Variants in DYNC2H1 observed in about 807,000 individuals in gnomAD.
DYNC2H1 encodes cytoplasmic dynein 2 heavy chain 1.
A neutral mutation model predicts 570.0 loss-of-function variants in DYNC2H1; 410 were observed. That is an observed-to-expected ratio of 0.72 (90% CI 0.66 to 0.78). The LOEUF (loss-of-function observed/expected upper bound fraction) is 0.78. DYNC2H1 is among the 30% of genes least tolerant of loss of function. The pLI is 0.00. For synonymous variants in DYNC2H1, 1,688 were observed against 1,677.6 expected (o/e 1.01, Z -0.15); for missense variants, 4,865 against 5,046.4 (o/e 0.96, Z 1.09).
At chr11:103,237,376 T>C (rs626948) in intron 63 of DYNC2H1, among the ~76,000 whole-genome samples, 143,499 of 151,970 alleles carry the variant, frequency 0.94, 67,828 homozygotes, top group African/African-American at 0.98. Context: ...TTATAAGATT[T>C]ATATTTTAGG....
At chr11:103,293,003 T>C (rs2135373298) in intron 75 of DYNC2H1, among the ~76,000 whole-genome samples, 1 of 152,388 alleles carries the variant, frequency 6.6e-6, no homozygotes, top group Non-Finnish European at 1.5e-5. Flanking sequence ...TATGTATTTG[T>C]CTGTATACTT....
intron 82 of DYNC2H1, among the ~76,000 whole-genome samples, chr11:103,338,631 TC>T (rs1319318177): frequency 1.6e-4 from 25 of 152,346 alleles, no homozygotes; most frequent in African/African-American, 5.8e-4. Flanking sequence ...TTTCAGTTTG[TC>T]AATTGAATTT....
intron 83 of DYNC2H1, among the ~76,000 whole-genome samples, chr11:103,379,546 T>TAG (rs1941551014): frequency 6.6e-6 from 1 of 152,214 alleles, no homozygotes; most frequent in African/African-American, 2.4e-5. Flanking sequence ...CTTTATGGAC[T>TAG]AAGGCAGAAA....
At chr11:103,112,122 T>C (rs1392477557) in intron 1 of DYNC2H1, among the ~76,000 whole-genome samples, 1 of 152,124 alleles carries the variant, frequency 6.6e-6, no homozygotes, top group African/African-American at 2.4e-5. Flanking sequence ...GAGATTTGAA[T>C]GATGAGTTGC....
At position 103,407,544 on chromosome 11, in the gene DYNC2H1, C is replaced by T. The variant is rs563030588; in HGVS notation, c.12366+7672C>T. On this transcript the variant is annotated intron_variant, in intron 84 of 88. Transcript: ENST00000375735. ...TTTTTCATAGAAGATATGAATTGTT[C>T]GTAGCAGAAATGGGGGTATGCTGTT... The T allele has an allele frequency of 6.6e-5, 10 of 151,914 alleles. No homozygotes were observed. The East Asian group carries it at 1.7e-3, about 26-fold the overall frequency. 9.4% of individuals were successfully genotyped at this position (151,914 alleles called of 1,614,324 possible). A position where few individuals can be genotyped will look rare whatever the true frequency, so the allele number is the denominator to read the frequency against.
intron 73 of DYNC2H1, 66 bp downstream of exon 73, chr11:103,283,151 T>A (rs1316453858): frequency 3.9e-6 from 5 of 1,281,184 alleles, no homozygotes; most frequent in Admixed American, 4.1e-5. Flanking sequence ...CTGTTGATAC[T>A]TTGTGCTCCT....
At position 103,377,897 on chromosome 11, in the gene DYNC2H1, C is replaced by T. The variant is rs896008371; in HGVS notation, c.12156+19538C>T. On this transcript the variant is annotated intron_variant, in intron 83 of 88. Coordinates refer to ENST00000375735, the MANE Select transcript of DYNC2H1 (RefSeq NM_001377.3). ...GATTACAGGCATGTGCCATCACACC[C>T]GGCTAATTTTTGTATTTTTAGTAGA... 5.3e-4 allele frequency among the ~76,000 whole-genome samples: 80 copies of T among 151,594 alleles called. 1 individual carries two copies. The highest frequency in any genetic ancestry group is 1.8e-3 in the African/African-American group (74 of 41,296).
chr11:103,283,843 A>T (rs929740327), intron 73 of DYNC2H1, among the ~76,000 whole-genome samples: 1 of 152,084 alleles, frequency 6.6e-6, no homozygotes, highest in African/African-American at 2.4e-5. Context: ...AAAGAAATGA[A>T]AAAAAGGGGG....
In DYNC2H1 at chr11:103,200,049, C is replaced by T; in HGVS notation, c.8092C>T (p.Leu2698=). Residue 2698 remains leucine (L), a synonymous_variant, in exon 50 of 89, where the codon CTG becomes TTG. Coordinates refer to ENST00000375735, the MANE Select transcript of DYNC2H1 (RefSeq NM_001377.3). ...AAAATATTTTCTGATTTTGCAGGTG[C>T]TGCAACTTGCAGGAATTGAAGCACA... The part of the protein sequence containing the change: ...KQFKNDLKHV[L]QLAGIEAQQV... The T allele has an allele frequency of 6.3e-7, 1 of 1,577,272 alleles. No individual in the cohort carries two copies. The highest frequency in any genetic ancestry group is 8.6e-7 in the Non-Finnish European group (1 of 1,159,116).
chr11:103,142,001 A>G (rs1032964337), intron 17 of DYNC2H1, among the ~76,000 whole-genome samples: 103 of 152,204 alleles, frequency 6.8e-4, no homozygotes, highest in African/African-American at 2.4e-3. Flanking sequence ...TGGGCATAGG[A>G]CCCTCCCAGC....
Position 103,395,039 on chromosome 11 carries a change from A to T in DYNC2H1, c.12157-4624A>T, listed in dbSNP as rs1428462474. 6.6e-6 allele frequency among the ~76,000 whole-genome samples: 1 copy of T among 152,080 alleles called. No individual in the cohort carries two copies. The highest frequency in any genetic ancestry group is 2.4e-5 in the African/African-American group (1 of 41,430). On this transcript the variant is annotated intron_variant, in intron 83 of 88. Coordinates refer to ENST00000375735, the MANE Select transcript of DYNC2H1 (RefSeq NM_001377.3). The surrounding 1 kb of genome is among the most constrained non-coding windows in gnomAD (Gnocchi z 4.3). ...GAAATCCACTTGTGGATTTAATTTA[A>T]TGCAGATATGTACATAATATACAGA...
At chr11:103,312,180 A>G in intron 79 of DYNC2H1, 147 bp downstream of exon 79, 10 of 739,880 alleles carry the variant, frequency 1.4e-5, no homozygotes, top group Non-Finnish European at 2.1e-5. Context: ...CCGGAGTTTG[A>G]GACCAGCCTG....
At position 103,325,909 on chromosome 11, in the gene DYNC2H1, T is replaced by C. The variant is rs1410605292; in HGVS notation, c.12039+1919T>C. Among the ~76,000 whole-genome samples, 1 of 152,190 alleles carries C rather than the reference T, an allele frequency of 6.6e-6. No individual in the cohort carries two copies. The highest frequency in any genetic ancestry group is 2.1e-4 in the South Asian group (1 of 4,832). The stretch of plus-strand genomic sequence containing the variant: ...GGCTCCTTTGAAGGTAAGGGGACAC[T>C]GGCTTTTTGAATTGCCAGAGTTTTT... On this transcript the variant is annotated intron_variant, in intron 82 of 88. Transcript: ENST00000375735. The surrounding 1 kb of genome is among the most constrained non-coding windows in gnomAD (Gnocchi z 4.8).
At chr11:103,357,690 C>T (rs929173806) in intron 82 of DYNC2H1, among the ~76,000 whole-genome samples, 6 of 152,294 alleles carry the variant, frequency 3.9e-5, no homozygotes, top group Non-Finnish European at 8.8e-5. Context: ...TGGTGGCTCA[C>T]GCCTATAATC....
At chr11:103,473,780 C>T (rs955899194) in intron 88 of DYNC2H1, among the ~76,000 whole-genome samples, 2 of 152,190 alleles carry the variant, frequency 1.3e-5, no homozygotes, top group African/African-American at 4.8e-5. Context: ...GGAAATAATG[C>T]TCCTGAGAGT....
intron 52 of DYNC2H1, among the ~76,000 whole-genome samples, chr11:103,206,423 G>GA (rs1407394259): frequency 3.3e-5 from 5 of 152,002 alleles, no homozygotes; most frequent in Non-Finnish European, 7.4e-5. Context: ...CAGGCATACA[G>GA]AAAAAAATTT....
intron 83 of DYNC2H1, among the ~76,000 whole-genome samples, chr11:103,358,830 CTATT>C (rs1409825594): frequency 1.3e-5 from 2 of 152,136 alleles, no homozygotes; most frequent in African/African-American, 2.4e-5. Flanking sequence ...TGTAATATAG[CTATT>C]TATTCTGAGA....
chr11:103,255,337 CA>C (rs1591481007), intron 66 of DYNC2H1, 77 bp from the exon 67 acceptor site: 2 of 1,450,314 alleles, frequency 1.4e-6, no homozygotes, highest in African/African-American at 2.9e-5. Context: ...CTGTCAAACA[CA>C]AGGCCTGTTT....
chr11:103,207,571 G>A (rs1862990001), intron 52 of DYNC2H1, among the ~76,000 whole-genome samples: 1 of 152,040 alleles, frequency 6.6e-6, no homozygotes, highest in Non-Finnish European at 1.5e-5. Flanking sequence ...TATCCCCTGA[G>A]GGAAAGAATG....
Sources: allele counts gnomAD v4.1 joint callset (sites outside exome capture counted in the v4.1 genomes callset), GRCh38; gene constraint gnomAD v4.1.1; non-coding constraint Gnocchi (gnomAD v3.1); transcripts MANE v1.5; gene names NCBI Gene and HGNC (gene_info 2026-07-23, HGNC 2026-07-21).